MLLT3: variants seen among roughly 807,000 people sequenced by gnomAD.
MLLT3 encodes the protein protein AF-9.
MLLT3 carries 4 observed loss-of-function variants against 53.2 expected under a neutral mutation model. The ratio of observed to expected loss-of-function variants is 0.08; its 90% confidence interval spans 0.04 to 0.17. The LOEUF (loss-of-function observed/expected upper bound fraction) is 0.17, where lower values mean the gene tolerates loss of function less well. Among genes scored for constraint, MLLT3 ranks in the 10% least tolerant of loss-of-function variants. The probability of loss-of-function intolerance (pLI) is 1.00; values close to 1 mark genes in which losing one functional copy is unlikely to be tolerated. For synonymous variants in MLLT3, 283 were observed against 230.6 expected (o/e 1.23, Z -2.06); for missense variants, 569 against 684.0 (o/e 0.83, Z 1.87).
At chr9:20,579,095 C>T (rs1457852346) in intron 2 of MLLT3, among the ~76,000 whole-genome samples, 1 of 152,132 alleles carries the variant, frequency 6.6e-6, no homozygotes, top group East Asian at 1.9e-4. Context: ...GGTATGATAG[C>T]TCGTGCCTGT....
intron 2 of MLLT3, among the ~76,000 whole-genome samples, chr9:20,465,496 A>G (rs1334643677): frequency 1.5e-5 from 1 of 65,212 alleles, no homozygotes; most frequent in Non-Finnish European, 3.0e-5. Flanking sequence ...ACAGTTATCA[A>G]TTGCATAGGG....
At chr9:20,417,496 AATT>A (rs760300410) in intron 4 of MLLT3, among the ~76,000 whole-genome samples, 1 of 151,638 alleles carries the variant, frequency 6.6e-6, no homozygotes, top group South Asian at 2.1e-4. Context: ...AGCACAGACT[AATT>A]AGCATTCAAT....
At chr9:20,524,815 C>G (rs1019018037) in intron 2 of MLLT3, among the ~76,000 whole-genome samples, 2 of 152,136 alleles carry the variant, frequency 1.3e-5, no homozygotes, top group Admixed American at 6.5e-5. Flanking sequence ...CTCCACACCC[C>G]CTCTACCTTG....
At chr9:20,605,815 T>G (rs2131202717) in intron 2 of MLLT3, among the ~76,000 whole-genome samples, 1 of 152,242 alleles carries the variant, frequency 6.6e-6, no homozygotes, top group Middle Eastern at 3.4e-3. Flanking sequence ...ATCATCATTT[T>G]ATACCATCTT....
At chr9:20,576,048 C>G (rs1171671978) in intron 2 of MLLT3, among the ~76,000 whole-genome samples, 2 of 152,208 alleles carry the variant, frequency 1.3e-5, no homozygotes, top group African/African-American at 2.4e-5. Context: ...TTAGCTAGAT[C>G]TTCTGGATAA....
chr9:20,481,219 T>A (rs1000629985), intron 2 of MLLT3, among the ~76,000 whole-genome samples: 1 of 152,226 alleles, frequency 6.6e-6, no homozygotes, highest in Non-Finnish European at 1.5e-5. Context: ...ATTAATATAC[T>A]TTTTCCTAAT....
In MLLT3 at chr9:20,563,905, A is replaced by G. The variant is rs566104363; in HGVS notation, c.193+56749T>C. Among the ~76,000 whole-genome samples, 11 of 152,332 alleles carry G rather than the reference A, an allele frequency of 7.2e-5. No individual in the cohort carries two copies. In the South Asian group the frequency reaches 2.1e-3, roughly 29 times the overall value. On this transcript the variant is annotated intron_variant, in intron 2 of 10. Coordinates refer to ENST00000380338, the MANE Select transcript of MLLT3 (RefSeq NM_004529.4). ...AAGTTTTCATTATCCAACTTAGGAT[A>G]TAACAAAAGATGACTTTTAAAAATA...
At chr9:20,531,470 T>C (rs1818335164) in intron 2 of MLLT3, among the ~76,000 whole-genome samples, 2 of 152,208 alleles carry the variant, frequency 1.3e-5, no homozygotes, top group South Asian at 4.1e-4. Context: ...TTTTTATCTT[T>C]TTTAAAAGCA....
At chr9:20,487,167 G>T (rs915941327) in intron 2 of MLLT3, among the ~76,000 whole-genome samples, 1 of 152,072 alleles carries the variant, frequency 6.6e-6, no homozygotes, top group Non-Finnish European at 1.5e-5. Context: ...TAAAAGTTGC[G>T]AAGCAGAGCT....
intron 2 of MLLT3, among the ~76,000 whole-genome samples, chr9:20,533,788 T>C (rs1456932336): frequency 6.6e-6 from 1 of 152,188 alleles, no homozygotes; most frequent in Non-Finnish European, 1.5e-5. Flanking sequence ...CTAAGTGTAA[T>C]AAGCTAGACA....
intron 5 of MLLT3, among the ~76,000 whole-genome samples, chr9:20,393,860 T>C (rs997093155): frequency 7.2e-5 from 11 of 152,202 alleles, no homozygotes; most frequent in African/African-American, 2.2e-4. Flanking sequence ...TAACTTGAGA[T>C]ATATTTATAA....
At chr9:20,444,587 A>G (rs1823642915) in intron 4 of MLLT3, among the ~76,000 whole-genome samples, 1 of 152,180 alleles carries the variant, frequency 6.6e-6, no homozygotes, top group South Asian at 2.1e-4. Flanking sequence ...AAAGCCTTAC[A>G]AGGGGCTGGA....
chr9:20,552,546 A>G (rs1272514516), intron 2 of MLLT3, among the ~76,000 whole-genome samples: 1 of 152,118 alleles, frequency 6.6e-6, no homozygotes, highest in African/African-American at 2.4e-5. Context: ...TTGGGGCAGA[A>G]TAGACGGTTT....
At chr9:20,572,713 G>C (rs1289814888) in intron 2 of MLLT3, among the ~76,000 whole-genome samples, 1 of 152,144 alleles carries the variant, frequency 6.6e-6, no homozygotes, top group African/African-American at 2.4e-5. Context: ...AGGATTGCTT[G>C]AACCCTGGAG....
At chr9:20,526,310 A>G (rs1818201432) in intron 2 of MLLT3, among the ~76,000 whole-genome samples, 2 of 152,218 alleles carry the variant, frequency 1.3e-5, no homozygotes, top group African/African-American at 2.4e-5. Flanking sequence ...GAAATGGAAC[A>G]TTACCAGTTT....
At chr9:20,587,093 A>C (rs1819988746) in intron 2 of MLLT3, among the ~76,000 whole-genome samples, 1 of 152,038 alleles carries the variant, frequency 6.6e-6, no homozygotes, top group Non-Finnish European at 1.5e-5. Context: ...AGCTTAAAAT[A>C]ATGTTAATAT....
Position 20,399,490 on chromosome 9 carries a change from T to C in MLLT3, c.1125+14231A>G, listed in dbSNP as rs200665442. ...CTTTAATATGACGGAAAAACAATCA[T>C]CATCCAAGTATACATAAACTGTATA... On this transcript the variant is annotated intron_variant, in intron 5 of 10. Coordinates refer to ENST00000380338, the MANE Select transcript of MLLT3 (RefSeq NM_004529.4). Among the ~76,000 whole-genome samples, 17 of 152,140 alleles carry C rather than the reference T, an allele frequency of 1.1e-4. No homozygotes were observed. In the East Asian group the frequency reaches 3.3e-3, roughly 29 times the overall value.
At chr9:20,571,110 C>T (rs1214411551) in intron 2 of MLLT3, among the ~76,000 whole-genome samples, 4 of 152,236 alleles carry the variant, frequency 2.6e-5, no homozygotes, top group African/African-American at 7.2e-5. Flanking sequence ...AGGACCACCA[C>T]GTGTACTCAC....
At chr9:20,353,744 C>A in intron 9 of MLLT3, 148 bp from the exon 10 acceptor site, 1 of 665,782 alleles carries the variant, frequency 1.5e-6, no homozygotes, top group South Asian at 1.8e-5. Flanking sequence ...ACTCAGTGCC[C>A]AAAGGCCTCT....
Sources: gnomAD v4.1 joint callset for allele counts (sites outside exome capture counted in the v4.1 genomes callset) on GRCh38, gnomAD v4.1.1 for gene constraint, MANE v1.5 for transcripts, NCBI Gene and HGNC (gene_info 2026-07-23, HGNC 2026-07-21) for gene names.